COBL: variants seen among roughly 807,000 people sequenced by gnomAD.
The protein encoded by COBL is cordon-bleu WH2 repeat protein.
In COBL, 51 loss-of-function variants were observed where a neutral mutation model predicts 98.8. The ratio of observed to expected loss-of-function variants is 0.52; its 90% CI spans 0.41 to 0.65. The LOEUF is 0.65. COBL is among the 30% of genes least tolerant of loss of function. COBL has a pLI of 0.00. For missense variants in COBL, 1,617 were observed against 1,617.5 expected (o/e 1.00, Z 0.01); for synonymous variants, 634 against 651.7 (o/e 0.97, Z 0.41).
At chr7:51,093,743 G>C (rs1795021114) in intron 6 of COBL, among the ~76,000 whole-genome samples, 1 of 151,970 alleles carries the variant, frequency 6.6e-6, no homozygotes, top group Non-Finnish European at 1.5e-5. Context: ...ATGTTTTAAA[G>C]TTTAGCCAGG....
chr7:51,203,461 CA>C (rs1165738166), intron 2 of COBL, among the ~76,000 whole-genome samples: 48 of 12,068 alleles, frequency 4.0e-3, no homozygotes, highest in East Asian at 9.2e-3. Flanking sequence ...GACTCCGTCT[CA>C]AAAAAAAAAA....
intron 2 of COBL, among the ~76,000 whole-genome samples, chr7:51,215,890 C>T (rs1224852638): frequency 1.3e-5 from 2 of 152,248 alleles, no homozygotes; most frequent in African/African-American, 4.8e-5. Context: ...AACATGGAGA[C>T]CCAACACCTG....
intron 6 of COBL, among the ~76,000 whole-genome samples, chr7:51,099,582 T>TG (rs1255954550): frequency 6.6e-6 from 1 of 152,152 alleles, no homozygotes; most frequent in African/African-American, 2.4e-5. Context: ...TGCCAGGAGC[T>TG]TGAGGGAGGG....
At chr7:51,238,417 A>C (rs1584272501) in intron 1 of COBL, among the ~76,000 whole-genome samples, 2 of 152,216 alleles carry the variant, frequency 1.3e-5, no homozygotes, top group South Asian at 4.2e-4. Flanking sequence ...AAATGACAGT[A>C]GCGGGGCAGA....
chr7:51,139,951 C>T (rs1218636027), intron 5 of COBL, among the ~76,000 whole-genome samples: 1 of 152,174 alleles, frequency 6.6e-6, no homozygotes, highest in Non-Finnish European at 1.5e-5. Context: ...CACTGCTTGC[C>T]TGCAAGAGAG....
At chr7:51,038,430 A>C (rs929998230) in intron 8 of COBL, among the ~76,000 whole-genome samples, 1 of 152,220 alleles carries the variant, frequency 6.6e-6, no homozygotes, top group African/African-American at 2.4e-5. Flanking sequence ...TCTTGAGGAA[A>C]TGGTGTTTGC....
intron 11 of COBL, 115 bp from the exon 12 acceptor site, chr7:51,025,487 G>A: frequency 9.4e-7 from 1 of 1,062,704 alleles, no homozygotes; most frequent in Non-Finnish European, 1.4e-6. Flanking sequence ...GGGTGACTAG[G>A]TCATGAGGTG....
At chr7:51,054,978 C>T (rs1278021094) in intron 7 of COBL, among the ~76,000 whole-genome samples, 2 of 152,182 alleles carry the variant, frequency 1.3e-5, no homozygotes, top group Non-Finnish European at 2.9e-5. Flanking sequence ...CCTGGAGCAG[C>T]CTGGAGAGTT....
At chr7:51,295,573 T>C (rs899722268) in intron 1 of COBL, among the ~76,000 whole-genome samples, 1 of 152,212 alleles carries the variant, frequency 6.6e-6, no homozygotes, top group African/African-American at 2.4e-5. Context: ...TTTGCAAGGA[T>C]TGGGACACAC....
chr7:51,224,209 G>A (rs1317615286), intron 1 of COBL, among the ~76,000 whole-genome samples: 1 of 152,150 alleles, frequency 6.6e-6, no homozygotes, highest in Non-Finnish European at 1.5e-5. Flanking sequence ...AGTCCCTTAA[G>A]GATACATTTC....
At chr7:51,220,326 A>G (rs1436228003) in intron 1 of COBL, among the ~76,000 whole-genome samples, 2 of 152,148 alleles carry the variant, frequency 1.3e-5, no homozygotes, top group Non-Finnish European at 2.9e-5. Context: ...GCTCACTAAC[A>G]CATGTGACAC....
chr7:51,218,793 C>G (rs1793341755), intron 2 of COBL, among the ~76,000 whole-genome samples: 1 of 152,166 alleles, frequency 6.6e-6, no homozygotes, highest in Non-Finnish European at 1.5e-5. Context: ...TTCTTATTCT[C>G]CTTGTTTTCT....
chr7:51,182,676 A>G (rs141613391), intron 5 of COBL, among the ~76,000 whole-genome samples: 1 of 152,122 alleles, frequency 6.6e-6, no homozygotes, highest in African/African-American at 2.4e-5. Flanking sequence ...GGGGAGAGGA[A>G]GGGATAGTTG....
chr7:51,302,462 T>G (rs1179218710), intron 1 of COBL, among the ~76,000 whole-genome samples: 1 of 150,784 alleles, frequency 6.6e-6, no homozygotes, highest in Non-Finnish European at 1.5e-5. Flanking sequence ...ATGCCTGTAA[T>G]CCCAGCTACT....
At chr7:51,093,514 T>C (rs1795000731) in intron 6 of COBL, among the ~76,000 whole-genome samples, 1 of 152,196 alleles carries the variant, frequency 6.6e-6, no homozygotes, top group Non-Finnish European at 1.5e-5. Flanking sequence ...TCCAAAAAAA[T>C]TGAAATTAGT....
At chr7:51,216,053 G>A (rs1283307036) in intron 2 of COBL, among the ~76,000 whole-genome samples, 1 of 152,254 alleles carries the variant, frequency 6.6e-6, no homozygotes, top group Non-Finnish European at 1.5e-5. Context: ...TCTGCAAAAG[G>A]AAGGCTTGCC....
At chr7:51,177,733 A>ACTGC (rs1186736283) in intron 5 of COBL, among the ~76,000 whole-genome samples, 8 of 151,962 alleles carry the variant, frequency 5.3e-5, no homozygotes, top group Admixed American at 1.3e-4. Context: ...AGATCATGCC[A>ACTGC]CTGCACTCCA....
At chr7:51,073,389 C>A (rs183864047) in intron 7 of COBL, 3 of 678,854 alleles carry the variant, frequency 4.4e-6, no homozygotes, top group Admixed American at 2.1e-5. Context: ...CAATAAACTG[C>A]GGGGGGAAAA....
At chr7:51,141,217 A>T (rs183100413) in intron 5 of COBL, among the ~76,000 whole-genome samples, 22 of 152,226 alleles carry the variant, frequency 1.4e-4, no homozygotes, top group Admixed American at 1.3e-3. Flanking sequence ...CATTTAATCA[A>T]GTCTACTAAA....
Sources: allele counts gnomAD v4.1 joint callset (sites outside exome capture counted in the v4.1 genomes callset), GRCh38; gene constraint gnomAD v4.1.1; transcripts MANE v1.5; gene names NCBI Gene and HGNC (gene_info 2026-07-23, HGNC 2026-07-21).